Variants in TFAP2D observed in about 807,000 individuals in gnomAD.
The protein encoded by TFAP2D is transcription factor AP-2 delta.
Under a neutral mutation model 43.6 loss-of-function variants are expected in TFAP2D, and 9 were observed. That is an observed-to-expected ratio of 0.21 (90% confidence interval 0.12 to 0.36). The LOEUF (loss-of-function observed/expected upper bound fraction) is 0.36, where lower values mean the gene tolerates loss of function less well. Ranked by LOEUF, TFAP2D falls within the 10% of genes least tolerant of loss-of-function variation. TFAP2D has a pLI of 1.00. For missense variants in TFAP2D, 513 were observed against 561.4 expected (o/e 0.91, Z 0.87); for synonymous variants, 256 against 224.9 (o/e 1.14, Z -1.24).
intron 7 of TFAP2D, among the ~76,000 whole-genome samples, chr6:50,764,615 T>C (rs1014264871): frequency 6.6e-6 from 1 of 152,168 alleles, no homozygotes; most frequent in African/African-American, 2.4e-5. Context: ...TAAAACTGTT[T>C]AAGGAAAAAA....
At position 50,713,951 on chromosome 6, in the gene TFAP2D, T is replaced by A. The variant is rs535433471; in HGVS notation, c.-105T>A. 3.9e-6 allele frequency: 6 copies of A among 1,534,048 alleles called. No individual in the cohort carries two copies. The highest frequency in any genetic ancestry group is 1.1e-5 in the South Asian group (1 of 88,018). On this transcript the variant is annotated 5_prime_UTR_variant, in exon 1 of 8. Coordinates refer to ENST00000008391, the MANE Select transcript of TFAP2D (RefSeq NM_172238.4). ...TTAGATATCTACCTATAGAACATTTTTTTTTTCCTTTAAAAATTGGAAAAT... is the reference window on the plus strand; with the variant it reads ...TTAGATATCTACCTATAGAACATTTATTTTTTCCTTTAAAAATTGGAAAAT...
At chr6:50,715,073 C>T in intron 1 of TFAP2D, 43 bp from the exon 2 acceptor site, 4 of 1,588,462 alleles carry the variant, frequency 2.5e-6, no homozygotes, top group Non-Finnish European at 3.4e-6. Context: ...AAATGACAAA[C>T]CTCAAGTTTT....
chr6:50,713,957 TCC>T lies in TFAP2D; in HGVS notation c.-98_-97del. On this transcript the variant is annotated 5_prime_UTR_variant, in exon 1 of 8. Transcript: ENST00000008391. Reference sequence around the variant, plus strand: ...ATCTACCTATAGAACATTTTTTTTTTCCTTTAAAAATTGGAAAATACAAGAAG... The same window carrying T: ...ATCTACCTATAGAACATTTTTTTTTTTTTAAAAATTGGAAAATACAAGAAG... The T allele has an allele frequency of 6.7e-7, 1 of 1,496,882 alleles. No individual in the cohort carries two copies. The highest frequency in any genetic ancestry group is 1.8e-5 in the Admixed American group (1 of 56,890). The allele number at this position is 1,496,882 out of a possible 1,614,324, so 92.7% of individuals were successfully genotyped here.
intron 5 of TFAP2D, among the ~76,000 whole-genome samples, chr6:50,740,995 A>C (rs1769035523): frequency 6.6e-6 from 1 of 152,146 alleles, no homozygotes; most frequent in Non-Finnish European, 1.5e-5. Flanking sequence ...ATTCTCTAAA[A>C]TCAACGAGCA....
chr6:50,761,889 A>C (rs2113892489), intron 7 of TFAP2D, among the ~76,000 whole-genome samples: 1 of 152,178 alleles, frequency 6.6e-6, no homozygotes, highest in South Asian at 2.1e-4. Flanking sequence ...GATTTTAAAG[A>C]TAAATGTAGG....
intron 7 of TFAP2D, among the ~76,000 whole-genome samples, chr6:50,766,512 A>G (rs1328017310): frequency 6.6e-6 from 1 of 152,012 alleles, no homozygotes; most frequent in African/African-American, 2.4e-5. Flanking sequence ...CTTTCCATTC[A>G]TTCGTGCCTT....
chr6:50,769,046 C>T (rs948562789), intron 7 of TFAP2D, among the ~76,000 whole-genome samples: 2 of 151,644 alleles, frequency 1.3e-5, no homozygotes, highest in African/African-American at 2.4e-5. Flanking sequence ...CATGCACCAC[C>T]ACACCCGGCT....
chr6:50,731,178 A>G (rs1768887360), intron 5 of TFAP2D, among the ~76,000 whole-genome samples: 1 of 151,986 alleles, frequency 6.6e-6, no homozygotes, highest in Non-Finnish European at 1.5e-5. Context: ...TCCTATCCCA[A>G]AAGTGCCCGA....
intron 7 of TFAP2D, among the ~76,000 whole-genome samples, chr6:50,769,951 C>T (rs1175657901): frequency 6.6e-6 from 1 of 152,040 alleles, no homozygotes; most frequent in Non-Finnish European, 1.5e-5. Flanking sequence ...TTCAATAATA[C>T]CCTGTGAAAC....
chr6:50,757,350 T>TATGTAATTATTCTATATATAGAATAC (rs1299946614), intron 7 of TFAP2D, among the ~76,000 whole-genome samples: 16 of 138,834 alleles, frequency 1.2e-4, no homozygotes, highest in South Asian at 2.2e-4. Context: ...ATAGAGAATA[T>TATGTAATTATTCTATATATAGAATAC]ATGTAATTAT....
intron 3 of TFAP2D, among the ~76,000 whole-genome samples, chr6:50,723,197 T>A (rs1029793537): frequency 3.3e-5 from 5 of 152,300 alleles, no homozygotes; most frequent in Admixed American, 6.5e-5. Flanking sequence ...AAAAAAAAAA[T>A]TCCTTGAAAT....
At chr6:50,715,781 C>T (rs893004173) in intron 2 of TFAP2D, among the ~76,000 whole-genome samples, 168 bp downstream of exon 2, 2 of 144,712 alleles carry the variant, frequency 1.4e-5, no homozygotes, top group African/African-American at 5.3e-5. Flanking sequence ...ACACACACAC[C>T]ACTTATGGAA....
intron 3 of TFAP2D, among the ~76,000 whole-genome samples, chr6:50,727,403 A>C (rs1389605272): frequency 6.6e-6 from 1 of 152,158 alleles, no homozygotes; most frequent in Non-Finnish European, 1.5e-5. Context: ...CAGAATTTCT[A>C]CCACCGGTAT....
intron 7 of TFAP2D, among the ~76,000 whole-genome samples, chr6:50,762,564 C>CTGAG (rs1172571915): frequency 6.6e-6 from 1 of 152,082 alleles, no homozygotes; most frequent in Non-Finnish European, 1.5e-5. Context: ...CCTTCCTGAA[C>CTGAG]TGAGCCAATT....
At chr6:50,739,690 C>T (rs1581767394) in intron 5 of TFAP2D, among the ~76,000 whole-genome samples, 1 of 152,066 alleles carries the variant, frequency 6.6e-6, no homozygotes, top group East Asian at 1.9e-4. Context: ...GTCTCTTTTG[C>T]TCTAGTTCTT....
chr6:50,738,189 A>G (rs1480824470), intron 5 of TFAP2D, among the ~76,000 whole-genome samples: 1 of 151,938 alleles, frequency 6.6e-6, no homozygotes, highest in East Asian at 1.9e-4. Context: ...GAGCTTTTCT[A>G]TTTACTTATT....
intron 5 of TFAP2D, among the ~76,000 whole-genome samples, chr6:50,744,145 A>G (rs1581769904): frequency 1.3e-5 from 2 of 152,172 alleles, no homozygotes; most frequent in Non-Finnish European, 2.9e-5. Flanking sequence ...TTCATCACCC[A>G]GGTAATAAGC....
At chr6:50,731,491 A>G (rs1241380880) in intron 5 of TFAP2D, among the ~76,000 whole-genome samples, 3 of 151,774 alleles carry the variant, frequency 2.0e-5, no homozygotes, top group Non-Finnish European at 4.4e-5. Context: ...TTTTAGTACT[A>G]TGTACAATAT....
chr6:50,760,850 G>T (rs1769352541), intron 7 of TFAP2D, among the ~76,000 whole-genome samples: 1 of 151,616 alleles, frequency 6.6e-6, no homozygotes, highest in African/African-American at 2.4e-5. Context: ...GAGGAAGTAA[G>T]GTTGGGCGGA....
Sources: gnomAD v4.1 joint callset for allele counts (sites outside exome capture counted in the v4.1 genomes callset) on GRCh38, gnomAD v4.1.1 for gene constraint, MANE v1.5 for transcripts, NCBI Gene and HGNC (gene_info 2026-07-23, HGNC 2026-07-21) for gene names.